MECOM: variants seen among roughly 807,000 people sequenced by gnomAD.
MECOM encodes histone-lysine N-methyltransferase MECOM.
A neutral mutation model predicts 116.3 loss-of-function variants in MECOM; 13 were observed. The observed-to-expected ratio is 0.11, with a 90% CI of 0.07 to 0.18. The LOEUF (loss-of-function observed/expected upper bound fraction) is 0.18. Among genes scored for constraint, MECOM ranks in the 10% least tolerant of loss-of-function variants. The pLI, the probability that MECOM is intolerant of heterozygous loss-of-function variation, is 1.00. For synonymous variants in MECOM, 528 were observed against 535.2 expected (o/e 0.99, Z 0.19); for missense variants, 1,299 against 1,509.0 (o/e 0.86, Z 2.31).
intron 2 of MECOM, among the ~76,000 whole-genome samples, chr3:169,317,684 C>T (rs1313590835): frequency 6.6e-6 from 1 of 152,208 alleles, no homozygotes; most frequent in African/African-American, 2.4e-5. Context: ...AGGACAGTGA[C>T]TAATGCTTAG....
chr3:169,141,221 A>C (rs1388050304), intron 3 of MECOM, among the ~76,000 whole-genome samples: 1 of 152,024 alleles, frequency 6.6e-6, no homozygotes, highest in Non-Finnish European at 1.5e-5. Context: ...GTTTTTTTAG[A>C]GTCCAGGATT....
intron 1 of MECOM, among the ~76,000 whole-genome samples, chr3:169,537,170 CAAG>C (rs1288240833): frequency 2.0e-5 from 3 of 152,266 alleles, no homozygotes; most frequent in African/African-American, 7.2e-5. Context: ...CTTTACCCAA[CAAG>C]AAGAATTATT....
At chr3:169,198,762 A>C (rs1159065690) in intron 2 of MECOM, among the ~76,000 whole-genome samples, 1 of 152,024 alleles carries the variant, frequency 6.6e-6, no homozygotes, top group Non-Finnish European at 1.5e-5. Flanking sequence ...CACACATAAC[A>C]GGCCGGTGCA....
intron 2 of MECOM, among the ~76,000 whole-genome samples, chr3:169,163,381 G>A (rs942692758): frequency 6.6e-6 from 1 of 152,096 alleles, no homozygotes; most frequent in Non-Finnish European, 1.5e-5. Context: ...TGGGGTAGGG[G>A]CAGGGCAAGT....
At chr3:169,100,034 ATT>A (rs998872039) in intron 12 of MECOM, among the ~76,000 whole-genome samples, 2 of 143,650 alleles carry the variant, frequency 1.4e-5, no homozygotes, top group Admixed American at 6.8e-5. Context: ...CTAGTTTCAT[ATT>A]TTCTTCTCCC....
chr3:169,482,623 C>A (rs1443053923), intron 1 of MECOM, among the ~76,000 whole-genome samples: 1 of 152,128 alleles, frequency 6.6e-6, no homozygotes, highest in Non-Finnish European at 1.5e-5. Context: ...CGTGAGCCAC[C>A]GCGCCCGGCA....
Position 169,663,483 on chromosome 3 carries a change from T to TCC in MECOM, c.-112_-111insGG. On this transcript the variant is annotated 5_prime_UTR_variant, in exon 1 of 17. Transcript: ENST00000651503. The stretch of plus-strand genomic sequence containing the variant: ...CCTCCCTCTCTCTCCTGTCTCTCTC[T>TCC]CTCTCTCTCTCTCTCTCTCTCTCTC... The TCC allele has an allele frequency of 2.7e-5, 4 of 149,188 alleles. No individual in the cohort carries two copies. Among genetic ancestry groups the TCC allele is most frequent in the Non-Finnish European group, 3.7e-5 (3 of 81,446 alleles). 9.2% of individuals were successfully genotyped at this position (149,188 alleles called of 1,614,324 possible). A position where few individuals can be genotyped will look rare whatever the true frequency, so the allele number is the denominator to read the frequency against.
intron 2 of MECOM, chr3:169,147,114 C>T (rs753634193): frequency 1.6e-5 from 16 of 986,118 alleles, no homozygotes; most frequent in Non-Finnish European, 1.8e-5. Context: ...CATCACCTCC[C>T]TCTTTTCTCA....
intron 2 of MECOM, among the ~76,000 whole-genome samples, chr3:169,226,617 A>G (rs890197233): frequency 6.6e-6 from 1 of 152,188 alleles, no homozygotes; most frequent in Non-Finnish European, 1.5e-5. Flanking sequence ...CAACACCATA[A>G]CACGGAATTA....
chr3:169,269,658 C>T (rs896574738), intron 2 of MECOM, among the ~76,000 whole-genome samples: 1 of 152,128 alleles, frequency 6.6e-6, no homozygotes, highest in South Asian at 2.1e-4. Context: ...CCTAGTCATG[C>T]TCTCTGTAAT....
chr3:169,485,433 A>T (rs538653829), intron 1 of MECOM, among the ~76,000 whole-genome samples: 1 of 152,332 alleles, frequency 6.6e-6, no homozygotes, highest in Non-Finnish European at 1.5e-5. Flanking sequence ...GAGATAATTT[A>T]TTTTCTAAGA....
chr3:169,155,704 T>G (rs187431515), intron 2 of MECOM, among the ~76,000 whole-genome samples: 1 of 152,252 alleles, frequency 6.6e-6, no homozygotes, highest in Admixed American at 6.5e-5. Flanking sequence ...GATGTCAAAT[T>G]TATCGTCTTT....
intron 6 of MECOM, among the ~76,000 whole-genome samples, chr3:169,122,172 A>C (rs913565288): frequency 1.8e-4 from 27 of 152,318 alleles, no homozygotes; most frequent in African/African-American, 6.0e-4. Flanking sequence ...AGAGTCACCC[A>C]TTCTTTCTGA....
intron 1 of MECOM, among the ~76,000 whole-genome samples, chr3:169,658,943 T>TC (rs1262397442): frequency 1.3e-5 from 2 of 149,838 alleles, no homozygotes; most frequent in East Asian, 2.0e-4. Context: ...GAGGAGGGCG[T>TC]CCCCCCTTCC....
intron 1 of MECOM, among the ~76,000 whole-genome samples, chr3:169,519,613 C>G (rs16853937): frequency 0.027 from 4,094 of 152,296 alleles, 174 homozygotes; most frequent in African/African-American, 0.094. Context: ...TTAGGAGGAG[C>G]CCATCTTAAA....
At chr3:169,214,595 T>G (rs1440401453) in intron 2 of MECOM, among the ~76,000 whole-genome samples, 2 of 151,872 alleles carry the variant, frequency 1.3e-5, no homozygotes, top group Admixed American at 6.6e-5. Context: ...TACTAATAAA[T>G]CCTGTAAAGA....
rs77081800 is a variant in MECOM, at chr3:169,485,494, C to T, written c.38-103970G>A. Reference sequence around the variant, plus strand: ...TTTACCAACTAAAAAGAGAGGGTTACAATAAAATATCTCTAGAAAGCTAAG... The same window carrying T: ...TTTACCAACTAAAAAGAGAGGGTTATAATAAAATATCTCTAGAAAGCTAAG... On this transcript the variant is annotated intron_variant, in intron 1 of 16. Coordinates refer to ENST00000651503, the MANE Select transcript of MECOM (RefSeq NM_004991.4). Among the ~76,000 whole-genome samples the T allele has an allele frequency of 5.0e-3, 767 of 152,028 alleles. 21 individuals carry two copies. Among genetic ancestry groups the T allele is most frequent in the Admixed American group, 0.038 (586 of 15,264 alleles).
At chr3:169,416,783 A>T (rs548630672) in intron 1 of MECOM, among the ~76,000 whole-genome samples, 2 of 152,324 alleles carry the variant, frequency 1.3e-5, no homozygotes, top group South Asian at 4.1e-4. Context: ...AAAATCTAGA[A>T]GCCCTCAGAA....
chr3:169,559,800 T>TA (rs1762447837), intron 1 of MECOM, among the ~76,000 whole-genome samples: 1 of 152,220 alleles, frequency 6.6e-6, no homozygotes, highest in Non-Finnish European at 1.5e-5. Context: ...AATGGGTTTT[T>TA]ATGTGCCAGT....
Sources: gnomAD v4.1 joint callset for allele counts (sites outside exome capture counted in the v4.1 genomes callset) on GRCh38, gnomAD v4.1.1 for gene constraint, MANE v1.5 for transcripts, NCBI Gene and HGNC (gene_info 2026-07-23, HGNC 2026-07-21) for gene names.